The following TASP1 variants were observed in gnomAD, a reference collection of about 807,000 sequenced individuals.
TASP1 encodes threonine aspartase 1.
Under a neutral mutation model 56.6 loss-of-function variants are expected in TASP1, and 16 were observed. The ratio of observed to expected loss-of-function variants is 0.28; its 90% CI spans 0.19 to 0.43. TASP1 has a LOEUF of 0.43. Among genes scored for constraint, TASP1 ranks in the 20% least tolerant of loss-of-function variants. The pLI is 1.00. For missense variants in TASP1, 393 were observed against 511.6 expected, an observed-to-expected ratio of 0.77 and a Z score of 2.24; for synonymous variants, 179 against 184.2, an observed-to-expected ratio of 0.97 and a Z score of 0.23.
rs1189624278 is a variant in TASP1, at chr20:13,617,737, C to G, written c.282+5709G>C. On this transcript the variant is annotated intron_variant, in intron 4 of 13. Transcript: ENST00000337743. ...TGCCCCTCCTTTTCTGCAATAAAAA[C>G]CAACTGACTGAAGTAGGGTAGGGAG... Among the ~76,000 whole-genome samples the G allele has an allele frequency of 2.6e-5, 4 of 152,098 alleles. No individual in the cohort carries two copies. In the South Asian group the frequency reaches 6.2e-4, roughly 24 times the overall value.
chr20:13,181,608 A>G, the TASP1 span, among the ~76,000 whole-genome samples: 1 of 152,214 alleles, frequency 6.6e-6, no homozygotes, highest in East Asian at 1.9e-4. Context: ...ACTACTGACT[A>G]TATGGAAAGT....
chr20:13,221,065 C>G, the TASP1 span, among the ~76,000 whole-genome samples: 3 of 152,110 alleles, frequency 2.0e-5, no homozygotes, highest in African/African-American at 7.2e-5. Flanking sequence ...CTGGAACCGG[C>G]CCTCCCCGGG....
At chr20:13,253,793 T>C in the TASP1 span, among the ~76,000 whole-genome samples, 588 of 152,126 alleles carry the variant, frequency 3.9e-3, 5 homozygotes, top group Middle Eastern at 0.017. Flanking sequence ...TAGGAAACAA[T>C]GGGCTAGTTC....
chr20:13,374,559 A>C, the TASP1 span, among the ~76,000 whole-genome samples: 1 of 152,088 alleles, frequency 6.6e-6, no homozygotes, highest in Non-Finnish European at 1.5e-5. Context: ...CGTGTTAGCC[A>C]GGATTGTCTC....
At chr20:13,150,373 T>C in the TASP1 span, among the ~76,000 whole-genome samples, 383 of 152,318 alleles carry the variant, frequency 2.5e-3, 3 homozygotes, top group Middle Eastern at 3.4e-3. Flanking sequence ...CATATATATA[T>C]ACACAGATGT....
chr20:13,134,104 G>A, the TASP1 span, among the ~76,000 whole-genome samples: 11 of 152,298 alleles, frequency 7.2e-5, no homozygotes, highest in South Asian at 2.1e-4. Flanking sequence ...TCAGGTGTAC[G>A]TACCATGCAC....
intron 4 of TASP1, among the ~76,000 whole-genome samples, chr20:13,590,219 G>A (rs2047471067): frequency 6.6e-6 from 1 of 152,116 alleles, no homozygotes; most frequent in African/African-American, 2.4e-5. Flanking sequence ...GGGTGACAGG[G>A]CGAGACTCTG....
chr20:13,618,402 G>C (rs1342453138), intron 4 of TASP1, among the ~76,000 whole-genome samples: 1 of 152,162 alleles, frequency 6.6e-6, no homozygotes, highest in Non-Finnish European at 1.5e-5. Context: ...GACAGAGCAA[G>C]AATCTGTCTG....
the TASP1 span, among the ~76,000 whole-genome samples, chr20:13,295,683 C>A: frequency 1.9e-4 from 29 of 152,196 alleles, no homozygotes; most frequent in Non-Finnish European, 3.1e-4. Flanking sequence ...GCTTTCAGAT[C>A]GAGGTGCATG....
At chr20:13,600,087 T>A (rs1232322148) in intron 4 of TASP1, among the ~76,000 whole-genome samples, 1 of 152,126 alleles carries the variant, frequency 6.6e-6, no homozygotes, top group African/African-American at 2.4e-5. Context: ...ACATACAAGA[T>A]CTGTACACTG....
intron 10 of TASP1, among the ~76,000 whole-genome samples, chr20:13,502,107 G>C (rs908626007): frequency 6.6e-6 from 1 of 151,778 alleles, no homozygotes; most frequent in Non-Finnish European, 1.5e-5. Flanking sequence ...TTTTATAAAT[G>C]AGCAAATAAA....
At chr20:13,178,141 TA>T in the TASP1 span, among the ~76,000 whole-genome samples, 1 of 151,640 alleles carries the variant, frequency 6.6e-6, no homozygotes, top group African/African-American at 2.4e-5. Flanking sequence ...GGTCAACAAA[TA>T]CATGAAAAAA....
chr20:13,444,963 T>C (rs982773073), intron 11 of TASP1, among the ~76,000 whole-genome samples: 1 of 152,136 alleles, frequency 6.6e-6, no homozygotes. Flanking sequence ...ATAAGCATAA[T>C]ATTAAGGTCT....
chr20:13,352,364 C>T, the TASP1 span, among the ~76,000 whole-genome samples: 1,557 of 151,430 alleles, frequency 0.01, 13 homozygotes, highest in South Asian at 0.022. Flanking sequence ...GCATAAGAAT[C>T]GCTTGAACCC....
the TASP1 span, among the ~76,000 whole-genome samples, chr20:13,261,541 T>G: frequency 6.6e-6 from 1 of 152,142 alleles, no homozygotes; most frequent in East Asian, 1.9e-4. Flanking sequence ...CTACCATAAG[T>G]GCAGAGGTGC....
At chr20:13,242,765 G>GGTGAGGTTGGCAGCCATAGCTT in the TASP1 span, among the ~76,000 whole-genome samples, 42 of 152,288 alleles carry the variant, frequency 2.8e-4, no homozygotes, top group African/African-American at 9.4e-4. Flanking sequence ...AGCCTTGATA[G>GGTGAGGTTGGCAGCCATAGCTT]GTGAGGTTGG....
the TASP1 span, among the ~76,000 whole-genome samples, chr20:13,141,216 A>C: frequency 6.6e-6 from 1 of 152,162 alleles, no homozygotes; most frequent in Non-Finnish European, 1.5e-5. Flanking sequence ...TAAGACATTG[A>C]TTGTCTTCAG....
intron 12 of TASP1, among the ~76,000 whole-genome samples, chr20:13,421,108 CTTTTTTTTTTTTTT>C (rs34805037): frequency 6.2e-4 from 76 of 123,440 alleles, no homozygotes; most frequent in Non-Finnish European, 1.0e-3. Context: ...CGTTTTCCTT[CTTTTTTTTTTTTTT>C]TTTTTTTTAA....
At chr20:13,131,006 G>C in the TASP1 span, among the ~76,000 whole-genome samples, 2 of 152,192 alleles carry the variant, frequency 1.3e-5, no homozygotes, top group African/African-American at 4.8e-5. Flanking sequence ...GGCAGCGGAA[G>C]GGATCACTCA....
Sources: gnomAD v4.1 joint callset for allele counts (sites outside exome capture counted in the v4.1 genomes callset) on GRCh38, gnomAD v4.1.1 for gene constraint, MANE v1.5 for transcripts, NCBI Gene and HGNC (gene_info 2026-07-23, HGNC 2026-07-21) for gene names.